The following RAPGEF4 variants were observed in gnomAD, a reference collection of about 807,000 sequenced individuals.
RAPGEF4 encodes the protein RAP guanine-nucleotide-exchange factor (GEF) 4.
In RAPGEF4, 66 loss-of-function variants were observed where a neutral mutation model predicts 147.9. The observed-to-expected ratio is 0.45, with a 90% CI of 0.37 to 0.55. The LOEUF (loss-of-function observed/expected upper bound fraction) is 0.55. Among genes scored for constraint, RAPGEF4 ranks in the 20% least tolerant of loss-of-function variants. RAPGEF4 has a pLI of 0.00. For missense variants in RAPGEF4, 1,071 were observed against 1,257.3 expected, an observed-to-expected ratio of 0.85 and a Z score of 2.24; for synonymous variants, 419 against 442.7, an observed-to-expected ratio of 0.95 and a Z score of 0.67.
intron 4 of RAPGEF4, among the ~76,000 whole-genome samples, chr2:172,910,885 A>T (rs1700028255): frequency 6.6e-6 from 1 of 152,234 alleles, no homozygotes; most frequent in Non-Finnish European, 1.5e-5. Flanking sequence ...GTTACAACAG[A>T]ATCACACAGG....
rs546907881 is a variant in RAPGEF4, at chr2:172,957,409, A to G, written c.538-3351A>G. 2.0e-5 allele frequency among the ~76,000 whole-genome samples: 3 copies of G among 152,386 alleles called. No individual in the cohort carries two copies. The South Asian group carries it at 6.2e-4, about 32-fold the overall frequency. ...GTAAATAATCTGACACAAAGGCAATAAAGTTACACTTGTAATGCAGGGGTC... is the reference window on the plus strand; with the variant it reads ...GTAAATAATCTGACACAAAGGCAATGAAGTTACACTTGTAATGCAGGGGTC... On this transcript the variant is annotated intron_variant, in intron 6 of 30. Coordinates refer to ENST00000397081, the MANE Select transcript of RAPGEF4 (RefSeq NM_007023.4).
chr2:172,958,310 G>A (rs1688946544), intron 6 of RAPGEF4, among the ~76,000 whole-genome samples: 1 of 152,214 alleles, frequency 6.6e-6, no homozygotes, highest in Non-Finnish European at 1.5e-5. Flanking sequence ...ACAGTCAGGT[G>A]CAGTCCTAGA....
At chr2:172,774,134 G>T (rs989180075) in intron 1 of RAPGEF4, among the ~76,000 whole-genome samples, 1 of 152,166 alleles carries the variant, frequency 6.6e-6, no homozygotes, top group African/African-American at 2.4e-5. Context: ...ACACCTAAAT[G>T]AGGATGTGGA....
At chr2:172,843,329 G>A (rs1167534237) in intron 4 of RAPGEF4, among the ~76,000 whole-genome samples, 1 of 152,216 alleles carries the variant, frequency 6.6e-6, no homozygotes, top group African/African-American at 2.4e-5. Flanking sequence ...TATCCTTAAA[G>A]AGATGGGCAG....
At chr2:172,930,474 G>A (rs1331531683) in intron 6 of RAPGEF4, among the ~76,000 whole-genome samples, 2 of 152,080 alleles carry the variant, frequency 1.3e-5, no homozygotes, top group African/African-American at 2.4e-5. Context: ...CTCCTTTTCC[G>A]TTATAATTAC....
intron 24 of RAPGEF4, 69 bp from the exon 25 acceptor site, chr2:173,027,012 A>G: frequency 7.2e-7 from 1 of 1,390,460 alleles, no homozygotes; most frequent in Non-Finnish European, 9.7e-7. Context: ...CTGTCTTGAC[A>G]AATAGAGAAA....
intron 2 of RAPGEF4, among the ~76,000 whole-genome samples, chr2:172,795,690 T>G (rs2149547618): frequency 6.6e-6 from 1 of 152,214 alleles, no homozygotes; most frequent in South Asian, 2.1e-4. Flanking sequence ...CACAGAAAAC[T>G]CCCTTTCAAC....
At chr2:172,765,013 C>A (rs1365186500) in intron 1 of RAPGEF4, among the ~76,000 whole-genome samples, 1 of 152,172 alleles carries the variant, frequency 6.6e-6, no homozygotes, top group Non-Finnish European at 1.5e-5. Context: ...GGCTAGAAAT[C>A]TGAAATGAAG....
At chr2:172,981,874 T>C (rs1691715394) in intron 10 of RAPGEF4, among the ~76,000 whole-genome samples, 1 of 152,262 alleles carries the variant, frequency 6.6e-6, no homozygotes, top group Admixed American at 6.5e-5. Context: ...CAGCTAAGTT[T>C]CAGATGTACT....
intron 6 of RAPGEF4, among the ~76,000 whole-genome samples, chr2:172,922,925 GACA>G (rs1268578438): frequency 1.3e-5 from 2 of 152,158 alleles, no homozygotes; most frequent in Non-Finnish European, 2.9e-5. Flanking sequence ...TCTAAATTTA[GACA>G]ACAACATGGA....
intron 6 of RAPGEF4, among the ~76,000 whole-genome samples, chr2:172,934,743 TAAAA>T (rs11361687): frequency 1.4e-5 from 2 of 145,976 alleles, no homozygotes; most frequent in Non-Finnish European, 3.0e-5. Flanking sequence ...ATGGTTGCAG[TAAAA>T]AAAAAAAAAA....
In RAPGEF4 at chr2:173,020,603, T is replaced by C. The variant is rs1185045230; in HGVS notation, c.2156-15T>C. 2.5e-6 allele frequency: 4 copies of C among 1,603,798 alleles called. No individual in the cohort carries two copies. Among genetic ancestry groups the C allele is most frequent in the Non-Finnish European group, 1.7e-6 (2 of 1,170,946 alleles). ...ATGTATTTAATAGGCAATCTCATGC[T>C]TTTTATGTTCACAGAAAAGGTGGTG... is the stretch of plus-strand genomic sequence containing the variant. On this transcript the variant is annotated splice_polypyrimidine_tract_variant and intron_variant, in intron 22 of 30. Transcript: ENST00000397081.
intron 30 of RAPGEF4, among the ~76,000 whole-genome samples, chr2:173,049,679 A>G (rs533729437): frequency 5.6e-4 from 86 of 152,252 alleles, no homozygotes; most frequent in Non-Finnish European, 1.2e-3. Flanking sequence ...AAAATATAAG[A>G]AAAATGACAT....
At position 173,051,962 on chromosome 2, in the gene RAPGEF4, T is replaced by G. The variant is rs1340071873; in HGVS notation, c.*195T>G. ...AGGAATTATTTGACATGCCTAAAGC[T>G]TACACACTCTAGCTTAGGAATCCCC... On this transcript the variant is annotated 3_prime_UTR_variant, in exon 31 of 31. Transcript: ENST00000397081. The G allele has an allele frequency of 3.9e-6, 2 of 517,054 alleles. No homozygotes were observed. The highest frequency in any genetic ancestry group is 3.8e-5 in the African/African-American group (2 of 52,058). The allele number at this position is 517,054 out of a possible 1,614,324, so 32.0% of individuals were successfully genotyped here. A position where few individuals can be genotyped will look rare whatever the true frequency, so the allele number is the denominator to read the frequency against.
At chr2:172,922,083 C>G (rs1351504726) in intron 5 of RAPGEF4, among the ~76,000 whole-genome samples, 198 bp from the exon 6 acceptor site, 1 of 152,204 alleles carries the variant, frequency 6.6e-6, no homozygotes, top group East Asian at 1.9e-4. Context: ...GCACATGGCC[C>G]TGCTCCTGAT....
At chr2:172,899,191 T>G (rs1207348451) in intron 4 of RAPGEF4, among the ~76,000 whole-genome samples, 2 of 152,226 alleles carry the variant, frequency 1.3e-5, no homozygotes, top group African/African-American at 4.8e-5. Context: ...GATTTTGTGT[T>G]GGCTGGTAAA....
At chr2:172,911,203 G>A (rs531064663) in intron 4 of RAPGEF4, among the ~76,000 whole-genome samples, 7 of 152,300 alleles carry the variant, frequency 4.6e-5, no homozygotes, top group African/African-American at 1.7e-4. Context: ...CTTAGGTACA[G>A]TTCCCTGATG....
intron 1 of RAPGEF4, among the ~76,000 whole-genome samples, chr2:172,783,064 A>C (rs1449557359): frequency 6.6e-6 from 1 of 152,176 alleles, no homozygotes; most frequent in African/African-American, 2.4e-5. Flanking sequence ...GATCTGTTCA[A>C]AAAATTTTCC....
intron 5 of RAPGEF4, among the ~76,000 whole-genome samples, chr2:172,921,246 A>G (rs1382901920): frequency 6.6e-6 from 1 of 151,886 alleles, no homozygotes; most frequent in Non-Finnish European, 1.5e-5. Flanking sequence ...ACAGGCATGC[A>G]CCACCATGCC....
Sources: allele counts gnomAD v4.1 joint callset (sites outside exome capture counted in the v4.1 genomes callset), GRCh38; gene constraint gnomAD v4.1.1; transcripts MANE v1.5; gene names NCBI Gene and HGNC (gene_info 2026-07-23, HGNC 2026-07-21).